THSD4: variants seen among roughly 807,000 people sequenced by gnomAD.
THSD4 encodes thrombospondin type-1 domain-containing protein 4.
Under a neutral mutation model 119.0 loss-of-function variants are expected in THSD4, and 69 were observed. The ratio of observed to expected loss-of-function variants is 0.58; its 90% CI spans 0.48 to 0.71. The LOEUF (loss-of-function observed/expected upper bound fraction) is 0.71. THSD4 is among the 30% of genes least tolerant of loss of function. THSD4 has a pLI of 0.00. For synonymous variants in THSD4, 524 were observed against 540.4 expected, an observed-to-expected ratio of 0.97 and a Z score of 0.42; for missense variants, 1,393 against 1,391.1, an observed-to-expected ratio of 1.00 and a Z score of -0.02.
At chr15:71,219,727 C>T (rs1044122869) in intron 4 of THSD4, among the ~76,000 whole-genome samples, 3 of 152,166 alleles carry the variant, frequency 2.0e-5, no homozygotes, top group African/African-American at 7.2e-5. Flanking sequence ...GTTACACAAC[C>T]CTGTGAGGCA....
intron 7 of THSD4, among the ~76,000 whole-genome samples, chr15:71,614,322 C>T (rs191828073): frequency 2.6e-5 from 4 of 152,180 alleles, no homozygotes; most frequent in African/African-American, 9.7e-5. Context: ...TGCCTAATTA[C>T]CAAAACCAAT....
intron 7 of THSD4, 117 bp downstream of exon 7, chr15:71,411,940 T>C (rs1367276231): frequency 7.3e-7 from 1 of 1,362,648 alleles, no homozygotes; most frequent in African/African-American, 1.4e-5. Flanking sequence ...TCAGGGCCAC[T>C]CAACCATGCG....
At chr15:71,375,703 C>G (rs1011591069) in intron 6 of THSD4, among the ~76,000 whole-genome samples, 1 of 152,130 alleles carries the variant, frequency 6.6e-6, no homozygotes, top group Non-Finnish European at 1.5e-5. Context: ...GTGGTTTTAT[C>G]TAGTGCAGTG....
At chr15:71,516,701 A>G (rs2048366355) in intron 7 of THSD4, among the ~76,000 whole-genome samples, 1 of 152,186 alleles carries the variant, frequency 6.6e-6, no homozygotes, top group African/African-American at 2.4e-5. Context: ...ACAAATTACA[A>G]TTTCACTTTT....
At chr15:71,631,468 G>A (rs2050627745) in intron 7 of THSD4, among the ~76,000 whole-genome samples, 1 of 152,148 alleles carries the variant, frequency 6.6e-6, no homozygotes, top group African/African-American at 2.4e-5. Context: ...CGTCTTTAGT[G>A]GTTAGTAGAA....
chr15:71,405,717 C>A (rs2046596342), intron 6 of THSD4, among the ~76,000 whole-genome samples: 1 of 152,164 alleles, frequency 6.6e-6, no homozygotes, highest in African/African-American at 2.4e-5. Flanking sequence ...TGTATTGAAT[C>A]TGTAGATCAA....
chr15:71,345,194 G>A (rs1222574431), intron 6 of THSD4, among the ~76,000 whole-genome samples: 1 of 150,544 alleles, frequency 6.6e-6, no homozygotes, highest in Non-Finnish European at 1.5e-5. Context: ...TATGCAAGTG[G>A]CGGGGGGTTG....
At chr15:71,561,696 A>G (rs2049119815) in intron 7 of THSD4, among the ~76,000 whole-genome samples, 1 of 152,172 alleles carries the variant, frequency 6.6e-6, no homozygotes, top group Non-Finnish European at 1.5e-5. Context: ...AATATGTAGG[A>G]TGCTTTAAAA....
intron 6 of THSD4, among the ~76,000 whole-genome samples, chr15:71,266,564 T>C (rs1388508119): frequency 1.3e-5 from 2 of 151,928 alleles, no homozygotes; most frequent in Admixed American, 6.6e-5. Flanking sequence ...CTCCAAAGGA[T>C]CACAGCTCCT....
At chr15:71,208,710 C>A (rs1373968868) in intron 3 of THSD4, among the ~76,000 whole-genome samples, 1 of 151,882 alleles carries the variant, frequency 6.6e-6, no homozygotes, top group African/African-American at 2.4e-5. Context: ...CGGGGTTTCA[C>A]CATGTTGGCC....
chr15:71,532,076 T>C (rs1006182995), intron 7 of THSD4, among the ~76,000 whole-genome samples: 4 of 138,338 alleles, frequency 2.9e-5, no homozygotes, highest in Non-Finnish European at 6.3e-5. Context: ...CAAGCCATGC[T>C]GAGGAGTAAG....
At chr15:71,287,182 A>T (rs2044729135) in intron 6 of THSD4, among the ~76,000 whole-genome samples, 1 of 152,228 alleles carries the variant, frequency 6.6e-6, no homozygotes, top group Admixed American at 6.5e-5. Flanking sequence ...ACAAAATGAA[A>T]TACTTAGGAT....
Position 71,318,942 on chromosome 15 carries a change from T to C in THSD4, c.1015+62227T>C, listed in dbSNP as rs368453877. ...TAGCTTGGGGTTTAGCTTTGGATAATTTGTTTTATTTCTCAGAGTTTCAGT... is the reference window on the plus strand; with the variant it reads ...TAGCTTGGGGTTTAGCTTTGGATAACTTGTTTTATTTCTCAGAGTTTCAGT... On this transcript the variant is annotated intron_variant, in intron 6 of 17. Coordinates refer to ENST00000261862, the MANE Select transcript of THSD4 (RefSeq NM_024817.3). 1.3e-3 allele frequency among the ~76,000 whole-genome samples: 205 copies of C among 152,266 alleles called. 12 individuals carry two copies. The South Asian group carries it at 0.041, about 31-fold the overall frequency.
At chr15:71,121,368 T>C (rs557689288) in intron 1 of THSD4, among the ~76,000 whole-genome samples, 2 of 152,220 alleles carry the variant, frequency 1.3e-5, no homozygotes, top group East Asian at 3.9e-4. Context: ...TATCACTTTT[T>C]TTTTTTTTTC....
In THSD4 at chr15:71,247,000, C is replaced by T. The variant is rs1329742405; in HGVS notation, c.912+3904C>T. ...CACCTCCCCAGTTCAAGGGTTCAAGCCATTCTCCCACCTCACCCTCCCAAG... is the reference window on the plus strand; with the variant it reads ...CACCTCCCCAGTTCAAGGGTTCAAGTCATTCTCCCACCTCACCCTCCCAAG... On this transcript the variant is annotated intron_variant, in intron 5 of 17. Transcript: ENST00000261862. Among the ~76,000 whole-genome samples the T allele has an allele frequency of 2.7e-5, 4 of 149,040 alleles. No homozygotes were observed. The East Asian group carries it at 8.1e-4, about 30-fold the overall frequency.
At position 71,781,734 on chromosome 15, in the gene THSD4, C is replaced by T. The variant is rs929731492; in HGVS notation, c.*4360C>T. The T allele has an allele frequency of 2.6e-5, 4 of 152,262 alleles. No individual in the cohort carries two copies. The highest frequency in any genetic ancestry group is 9.7e-5 in the African/African-American group (4 of 41,436). 9.4% of individuals were successfully genotyped at this position (152,262 alleles called of 1,614,324 possible). A position where few individuals can be genotyped will look rare whatever the true frequency, so the allele number is the denominator to read the frequency against. The stretch of plus-strand genomic sequence containing the variant: ...ATAGAGGGACTGTGGTAGGTGGTGA[C>T]CCACCCATCACTGGAGGTGGAAGCA... On this transcript the variant is annotated 3_prime_UTR_variant, in exon 18 of 18. Coordinates refer to ENST00000261862, the MANE Select transcript of THSD4 (RefSeq NM_024817.3).
chr15:71,320,903 A>G (rs559745572), intron 6 of THSD4, among the ~76,000 whole-genome samples: 31 of 152,310 alleles, frequency 2.0e-4, no homozygotes, highest in African/African-American at 7.5e-4. Context: ...GGATTTAATA[A>G]CATGGTTTCA....
upstream of THSD4, among the ~76,000 whole-genome samples, chr15:71,112,499 G>A (rs1473205768): frequency 6.6e-6 from 1 of 152,116 alleles, no homozygotes; most frequent in Non-Finnish European, 1.5e-5. Flanking sequence ...AAATTAAAAG[G>A]GAATTTCTAA....
intron 8 of THSD4, among the ~76,000 whole-genome samples, chr15:71,689,952 T>G (rs1423104283): frequency 6.6e-6 from 1 of 152,210 alleles, no homozygotes; most frequent in African/African-American, 2.4e-5. Flanking sequence ...GGTCTTGCTC[T>G]TCAAAAGTCC....
Sources: allele counts gnomAD v4.1 joint callset (sites outside exome capture counted in the v4.1 genomes callset), GRCh38; gene constraint gnomAD v4.1.1; transcripts MANE v1.5; gene names NCBI Gene and HGNC (gene_info 2026-07-23, HGNC 2026-07-21).